SOX10: variants seen among roughly 807,000 people sequenced by gnomAD.
SOX10 encodes the protein transcription factor SOX-10.
SOX10 carries 3 observed loss-of-function variants against 35.0 expected under a neutral mutation model. That is an observed-to-expected ratio of 0.09 (90% CI 0.04 to 0.22). The LOEUF is 0.22. Ranked by LOEUF, SOX10 falls within the 10% of genes least tolerant of loss-of-function variation. The pLI is 1.00. For missense variants in SOX10, 436 were observed against 655.1 expected, an observed-to-expected ratio of 0.67 and a Z score of 3.65; for synonymous variants, 285 against 291.0, an observed-to-expected ratio of 0.98 and a Z score of 0.21.
chr22:37,973,610 C>T lies in SOX10; in HGVS notation c.1286G>A (p.Gly429Glu). 2 of 1,613,554 alleles carry T rather than the reference C, an allele frequency of 1.2e-6. No homozygotes were observed. Among genetic ancestry groups the T allele is most frequent in the Non-Finnish European group, 1.7e-6 (2 of 1,179,830 alleles). The change falls in exon 4 of 4, where the codon GGG (glycine) becomes GAG (glutamate). Residue 429 changes from glycine (G) to glutamate (E), a missense_variant. Gly to Glu is a moderately conservative substitution (Grantham distance 98). Around this residue, in one of 3 missense-constraint regions of SOX10, gnomAD observed 285 missense variants for 402.9 expected, o/e 0.71. Coordinates refer to ENST00000396884, the MANE Select transcript of SOX10 (RefSeq NM_006941.4). ...CGTGTAGAGGGGCCGCTGCGAGGGC[C>T]CCATATAGGAGAAGGCCGAGTAGAG... ...SGLYSAFSYM[G>E]PSQRPLYTAI...
chr22:37,981,006 C>CA (rs1932379389), intron 2 of SOX10, among the ~76,000 whole-genome samples: 1 of 152,160 alleles, frequency 6.6e-6, no homozygotes, highest in Non-Finnish European at 1.5e-5. Context: ...CCACAGGCAC[C>CA]ACCCTGTGAT....
chr22:37,977,087 G>T (rs1052993881), intron 3 of SOX10, among the ~76,000 whole-genome samples: 1 of 150,876 alleles, frequency 6.6e-6, no homozygotes, highest in Non-Finnish European at 1.5e-5. Context: ...AGAATTGCTT[G>T]AACCCGGGAG....
At position 37,974,195 on chromosome 22, in the gene SOX10, T is replaced by G; in HGVS notation, c.701A>C (p.Gln234Pro). 1 of 1,599,852 alleles carries G rather than the reference T, an allele frequency of 6.3e-7. No individual in the cohort carries two copies. The highest frequency in any genetic ancestry group is 8.5e-7 in the Non-Finnish European group (1 of 1,177,218). ...TGGAGGGGTGGGTGGGCCATGGCTC[T>G]GGCCTGGGTAGAAGGGAGACAGAGA... The part of the protein sequence containing the change: ...SDGNPEHPSG[Q>P]SHGPPTPPTT... The change falls in exon 4 of 4, where the codon CAG (glutamine) becomes CCG (proline). Residue 234 changes from glutamine to proline, a missense_variant. Gln to Pro is a moderately conservative substitution (Grantham distance 76, BLOSUM62 -1). This residue lies in a region of SOX10 where 285 missense variants were observed against 402.9 expected (regional missense o/e 0.71). Coordinates refer to ENST00000396884, the MANE Select transcript of SOX10 (RefSeq NM_006941.4). This position sits in a 1 kb window ranked among gnomAD's most constrained non-coding sequence, Gnocchi z 5.4.
intron 3 of SOX10, 54 bp downstream of exon 3, chr22:37,977,813 C>T (rs1932267128): frequency 6.4e-7 from 1 of 1,563,840 alleles, no homozygotes; most frequent in Non-Finnish European, 8.7e-7. Context: ...CCAGCCATCT[C>T]CTGTCTCCAC....
At position 37,978,731 on chromosome 22, in the gene SOX10, G is replaced by C. The variant is rs1426830764; in HGVS notation, c.429-596C>G. On this transcript the variant is annotated intron_variant, in intron 2 of 3. Transcript: ENST00000396884. This position sits in a 1 kb window ranked among gnomAD's most constrained non-coding sequence, Gnocchi z 5.0. ...ATGGATGTGAGATGCCTTGCACCAG[G>C]GCCTGGGAAGCGGGCTGAGCACCTT... 3.9e-5 allele frequency among the ~76,000 whole-genome samples: 6 copies of C among 152,128 alleles called. No homozygotes were observed. The highest frequency in any genetic ancestry group is 1.3e-4 in the Admixed American group (2 of 15,274).
In SOX10 at chr22:37,980,537, C is replaced by T. The variant is rs894924490; in HGVS notation, c.429-2402G>A. On this transcript the variant is annotated intron_variant, in intron 2 of 3. Transcript: ENST00000396884. This position sits in a 1 kb window ranked among gnomAD's most constrained non-coding sequence, Gnocchi z 4.1. ...TGCCATCCCCGACCCCAGCTCCCTC[C>T]TCCACCAGCTGTGCCGGACAGCTGA... Among the ~76,000 whole-genome samples the T allele has an allele frequency of 6.6e-6, 1 of 152,132 alleles. No individual in the cohort carries two copies. The highest frequency in any genetic ancestry group is 2.4e-5 in the African/African-American group (1 of 41,408).
intron 2 of SOX10, among the ~76,000 whole-genome samples, chr22:37,981,711 C>G (rs1201300043): frequency 1.3e-5 from 2 of 152,180 alleles, no homozygotes; most frequent in Non-Finnish European, 2.9e-5. Context: ...CTCTTTGTCC[C>G]CTGGCACTAA....
Position 37,973,723 on chromosome 22 carries a change from G to A in SOX10, c.1173C>T (p.Ala391=), listed in dbSNP as rs2145760848. Residue 391 remains alanine, a synonymous_variant, in exon 4 of 4, where the codon GCC becomes GCT. Coordinates refer to ENST00000396884, the MANE Select transcript of SOX10 (RefSeq NM_006941.4). ...ACTGGGGGCGGGAGATGGAGGGGAAGGCTGAGCCATAGTGGGGCAGGCTGA... is the reference window on the plus strand; with the variant it reads ...ACTGGGGGCGGGAGATGGAGGGGAAAGCTGAGCCATAGTGGGGCAGGCTGA... ...TSLSLPHYGS[A]FPSISRPQFD... is the part of the protein sequence containing the mutation. 3 of 1,605,374 alleles carry A rather than the reference G, an allele frequency of 1.9e-6. No homozygotes were observed. Among genetic ancestry groups the A allele is most frequent in the Non-Finnish European group, 2.6e-6 (3 of 1,173,706 alleles).
intron 2 of SOX10, among the ~76,000 whole-genome samples, chr22:37,981,979 C>A (rs1332844387): frequency 2.6e-5 from 4 of 152,188 alleles, no homozygotes; most frequent in Admixed American, 1.3e-4. Context: ...TCTTGGAGAT[C>A]CTCCTGCACC....
chr22:37,978,017 C>G lies in SOX10; in HGVS notation c.547G>C (p.Ala183Pro). The G allele has an allele frequency of 6.2e-7, 1 of 1,611,676 alleles. No individual in the cohort carries two copies. Among genetic ancestry groups the G allele is most frequent in the African/African-American group, 1.3e-5 (1 of 75,072 alleles). The change falls in exon 3 of 4, where the codon GCC (alanine) becomes CCC (proline). Residue 183 changes from alanine to proline, a missense_variant. Physicochemically the swap from Ala to Pro is conservative, Grantham distance 27 (BLOSUM62 -1). Transcript: ENST00000396884. The surrounding 1 kb of genome is among the most constrained non-coding windows in gnomAD (Gnocchi z 5.0). ...GGGCACTCCGCCTCGCCCTGGGCGG[C>G]CTTCCCGTTCTTCCGCCGCCTGGGC... is the stretch of plus-strand genomic sequence containing the variant. ...YQPRRRKNGKAAQGEAECPGG... is the reference protein window; with the variant it reads ...YQPRRRKNGKPAQGEAECPGG...
intron 3 of SOX10, among the ~76,000 whole-genome samples, chr22:37,976,506 G>A (rs969682397): frequency 6.6e-6 from 1 of 152,210 alleles, no homozygotes; most frequent in East Asian, 1.9e-4. Context: ...GACTCAGAGC[G>A]TGTCCTCTGA....
At chr22:37,981,498 G>A (rs1236974601) in intron 2 of SOX10, among the ~76,000 whole-genome samples, 1 of 152,208 alleles carries the variant, frequency 6.6e-6, no homozygotes, top group Non-Finnish European at 1.5e-5. Flanking sequence ...CCTGAAGGGA[G>A]TCCAAGCCCA....
chr22:37,975,199 A>G (rs148430386), intron 3 of SOX10, among the ~76,000 whole-genome samples: 1 of 152,300 alleles, frequency 6.6e-6, no homozygotes, highest in East Asian at 1.9e-4. Context: ...GGTGCTGGGG[A>G]TACTAATGTA....
chr22:37,979,481 T>A (rs1932328752), intron 2 of SOX10, among the ~76,000 whole-genome samples: 1 of 151,730 alleles, frequency 6.6e-6, no homozygotes, highest in African/African-American at 2.4e-5. Flanking sequence ...GGGTCCTGAT[T>A]GTGTGAATTC....
intron 3 of SOX10, among the ~76,000 whole-genome samples, chr22:37,977,265 C>A (rs565524934): frequency 1.1e-4 from 16 of 151,858 alleles, no homozygotes; most frequent in African/African-American, 3.9e-4. Context: ...GTCTTCTCCC[C>A]CTTTACTTGT....
rs1354355992 is a variant in SOX10, at chr22:37,980,512, T to G, written c.429-2377A>C. 6.6e-6 allele frequency among the ~76,000 whole-genome samples: 1 copy of G among 152,048 alleles called. No individual in the cohort carries two copies. The highest frequency in any genetic ancestry group is 1.5e-5 in the Non-Finnish European group (1 of 68,004). ...GACAGAAATCTAAGCCTGGGGCCAC[T>G]GCCATCCCCGACCCCAGCTCCCTCC... On this transcript the variant is annotated intron_variant, in intron 2 of 3. Coordinates refer to ENST00000396884, the MANE Select transcript of SOX10 (RefSeq NM_006941.4). The surrounding 1 kb of genome is among the most constrained non-coding windows in gnomAD (Gnocchi z 4.1).
In SOX10 at chr22:37,983,872, G is replaced by T; in HGVS notation, c.-84-4C>A. On this transcript the variant is annotated splice_region_variant and splice_polypyrimidine_tract_variant and intron_variant, in intron 1 of 3. Coordinates refer to ENST00000396884, the MANE Select transcript of SOX10 (RefSeq NM_006941.4). The surrounding 1 kb of genome is among the most constrained non-coding windows in gnomAD (Gnocchi z 9.5). ...TCGCAAAGAGTCCAACGCCCACCTG[G>T]ATGGAAGGAGGGCGCGATGGAGCGG... The T allele has an allele frequency of 8.5e-7, 1 of 1,178,948 alleles. No homozygotes were observed. Among genetic ancestry groups the T allele is most frequent in the Non-Finnish European group, 1.1e-6 (1 of 915,856 alleles). 73.0% of individuals were successfully genotyped at this position (1,178,948 alleles called of 1,614,324 possible). A position where few individuals can be genotyped will look rare whatever the true frequency, so the allele number is the denominator to read the frequency against.
At position 37,977,937 on chromosome 22, in the gene SOX10, G is replaced by A. The variant is rs761481230; in HGVS notation, c.627C>T (p.Ser209=). 5.6e-6 allele frequency: 9 copies of A among 1,612,786 alleles called. No homozygotes were observed. The highest frequency in any genetic ancestry group is 4.5e-5 in the East Asian group (2 of 44,872). The change falls in exon 3 of 4, where the codon AGC becomes AGT. Residue 209 remains serine (S), a synonymous_variant. Coordinates refer to ENST00000396884, the MANE Select transcript of SOX10 (RefSeq NM_006941.4). ...GTAAIQAHYK[S]AHLDHRHPGE... Reference sequence around the variant, plus strand: ...CTGGGTGCCGGTGGTCCAAGTGGGCGCTCTTGTAGTGGGCCTGGATGGCGG... The same window carrying A: ...CTGGGTGCCGGTGGTCCAAGTGGGCACTCTTGTAGTGGGCCTGGATGGCGG...
Position 37,973,298 on chromosome 22 carries a change from G to T in SOX10, c.*197C>A. Reference sequence around the variant, plus strand: ...CTCCTCTGTCCAGCCTGTTCTCCTGGGGCTTTGCTGCTGGAGCCTGGATGG... The same window carrying T: ...CTCCTCTGTCCAGCCTGTTCTCCTGTGGCTTTGCTGCTGGAGCCTGGATGG... On this transcript the variant is annotated 3_prime_UTR_variant, in exon 4 of 4. Transcript: ENST00000396884. 1 of 565,090 alleles carries T rather than the reference G, an allele frequency of 1.8e-6. No individual in the cohort carries two copies. Among genetic ancestry groups the T allele is most frequent in the African/African-American group, 1.9e-5 (1 of 53,488 alleles). 35.0% of individuals were successfully genotyped at this position (565,090 alleles called of 1,614,324 possible). A position where few individuals can be genotyped will look rare whatever the true frequency, so the allele number is the denominator to read the frequency against.
Sources: gnomAD v4.1 joint callset for allele counts (sites outside exome capture counted in the v4.1 genomes callset) on GRCh38, gnomAD v4.1.1 for gene constraint, gnomAD v4.1.1 regional missense constraint, Gnocchi (gnomAD v3.1) non-coding constraint, MANE v1.5 for transcripts, NCBI Gene and HGNC (gene_info 2026-07-23, HGNC 2026-07-21) for gene names.